The following VIT variants were observed in gnomAD, a reference collection of about 807,000 sequenced individuals.
VIT encodes vitrin.
In VIT, 99 loss-of-function variants were observed where a neutral mutation model predicts 78.0. The observed-to-expected ratio is 1.27, with a 90% CI of 1.08 to 1.50. The LOEUF is 1.50. Ranked by LOEUF, VIT falls within the 40% of genes most tolerant of loss-of-function variation. VIT has a pLI of 0.00. For synonymous variants in VIT, 374 were observed against 334.3 expected (o/e 1.12, Z -1.29); for missense variants, 1,126 against 875.3 (o/e 1.29, Z -3.61).
chr2:36,698,982 C>G (rs1484502802), intron 1 of VIT, among the ~76,000 whole-genome samples: 1 of 124,896 alleles, frequency 8.0e-6, no homozygotes, highest in African/African-American at 3.0e-5. Context: ...GAAATGTAAT[C>G]TTTTATTCCC....
intron 1 of VIT, among the ~76,000 whole-genome samples, chr2:36,712,287 C>G (rs1191858814): frequency 6.6e-6 from 1 of 152,146 alleles, no homozygotes; most frequent in Non-Finnish European, 1.5e-5. Flanking sequence ...TGGTCAGGTT[C>G]CATTATTGAT....
At chr2:36,735,584 G>C (rs2372712) in intron 3 of VIT, among the ~76,000 whole-genome samples, 7,743 of 152,288 alleles carry the variant, frequency 0.051, 480 homozygotes, top group African/African-American at 0.14. Flanking sequence ...CTGTTTCCTG[G>C]ATGATGGGAT....
chr2:36,719,206 G>C (rs182743976), intron 2 of VIT, among the ~76,000 whole-genome samples: 102 of 152,260 alleles, frequency 6.7e-4, no homozygotes, highest in African/African-American at 2.4e-3. Context: ...ATAAAGGCCA[G>C]GTATGACAGG....
chr2:36,813,826 C>T (rs1261444004), intron 15 of VIT, among the ~76,000 whole-genome samples: 3 of 152,146 alleles, frequency 2.0e-5, no homozygotes, highest in Non-Finnish European at 4.4e-5. Context: ...TTTCACTTGT[C>T]CCAAAATATC....
At position 36,775,029 on chromosome 2, in the gene VIT, C is replaced by T. The variant is rs1460254162; in HGVS notation, c.764C>T (p.Ala255Val). ...PGIQRQDPSG[A>V]AFQKPVGADV... ...ATCCAAAGGCAAGATCCTTCAGGAG[C>T]TGCCTTCCAGAAACCTGTTGGAGCG... Residue 255 changes from alanine to valine, a missense_variant, in exon 9 of 16, where the codon GCT (alanine) becomes GTT (valine). Coordinates refer to ENST00000379242, the MANE Select transcript of VIT (RefSeq NM_053276.4). The T allele has an allele frequency of 6.2e-7, 1 of 1,614,006 alleles. No homozygotes were observed. Among genetic ancestry groups the T allele is most frequent in the East Asian group, 2.2e-5 (1 of 44,888 alleles).
intron 1 of VIT, 81 bp from the exon 2 acceptor site, chr2:36,716,272 A>T: frequency 8.9e-7 from 1 of 1,126,720 alleles, no homozygotes; most frequent in Non-Finnish European, 1.3e-6. Context: ...AAAATGATGC[A>T]GTCTATCCCC....
chr2:36,797,613 G>A (rs958166944), intron 12 of VIT, among the ~76,000 whole-genome samples: 3 of 152,122 alleles, frequency 2.0e-5, no homozygotes, highest in Non-Finnish European at 4.4e-5. Flanking sequence ...CCTTCCAGAG[G>A]AAGCTGTATG....
chr2:36,749,636 G>C (rs958706429), intron 4 of VIT, among the ~76,000 whole-genome samples: 1 of 152,116 alleles, frequency 6.6e-6, no homozygotes, highest in African/African-American at 2.4e-5. Context: ...CTATTAAAAA[G>C]TATCATAGTG....
rs1244332492 is a variant in VIT, at chr2:36,805,352, TC to T, written c.1163-85del. Reference sequence around the variant, plus strand: ...ACTAGGGAGGGAATGAGTGTATTTTTCTGGACCTCTTTGTGCTGCTGTGATC... The same window carrying T: ...ACTAGGGAGGGAATGAGTGTATTTTTTGGACCTCTTTGTGCTGCTGTGATC... On this transcript the variant is annotated intron_variant, in intron 13 of 15. Transcript: ENST00000379242. 5.4e-5 allele frequency: 76 copies of T among 1,404,322 alleles called. No individual in the cohort carries two copies. The East Asian group carries it at 1.8e-3, about 33-fold the overall frequency. The allele number at this position is 1,404,322 out of a possible 1,614,324, so 87.0% of individuals were successfully genotyped here. A position where few individuals can be genotyped will look rare whatever the true frequency, so the allele number is the denominator to read the frequency against.
intron 5 of VIT, among the ~76,000 whole-genome samples, chr2:36,757,731 G>C (rs1352834637): frequency 6.6e-6 from 1 of 152,192 alleles, no homozygotes; most frequent in Non-Finnish European, 1.5e-5. Context: ...CATCTCTATG[G>C]AGATACATAG....
intron 15 of VIT, among the ~76,000 whole-genome samples, chr2:36,810,029 C>T (rs574676660): frequency 8.4e-5 from 12 of 142,882 alleles, no homozygotes; most frequent in South Asian, 2.3e-4. Context: ...CAATGGCCCA[C>T]GCCTGTGATC....
At chr2:36,781,461 A>G (rs914029906) in intron 9 of VIT, among the ~76,000 whole-genome samples, 1 of 152,206 alleles carries the variant, frequency 6.6e-6, no homozygotes, top group African/African-American at 2.4e-5. Flanking sequence ...GTTCCTTTTG[A>G]ATCCAAGGAT....
intron 12 of VIT, among the ~76,000 whole-genome samples, chr2:36,789,261 T>G (rs1665319140): frequency 6.6e-6 from 1 of 152,134 alleles, no homozygotes; most frequent in Admixed American, 6.5e-5. Flanking sequence ...AACCTCTCCT[T>G]GTAAGTGCTG....
At chr2:36,698,397 T>A (rs1454408566) in intron 1 of VIT, among the ~76,000 whole-genome samples, 2 of 152,206 alleles carry the variant, frequency 1.3e-5, no homozygotes, top group African/African-American at 4.8e-5. Context: ...CAGCTATGAT[T>A]CCTATAAGAC....
intron 15 of VIT, among the ~76,000 whole-genome samples, chr2:36,812,309 G>A (rs897798427): frequency 1.3e-5 from 2 of 152,164 alleles, no homozygotes; most frequent in African/African-American, 4.8e-5. Context: ...CACTGTGGGG[G>A]ACTCGGGGGG....
At chr2:36,697,316 T>A (rs946891682) in intron 1 of VIT, among the ~76,000 whole-genome samples, 5 of 152,264 alleles carry the variant, frequency 3.3e-5, no homozygotes, top group Non-Finnish European at 7.3e-5. Flanking sequence ...CTTGCTTTTT[T>A]AAAAACTTTG....
In VIT at chr2:36,776,442, G is replaced by GTTT. The variant is rs35789301; in HGVS notation, c.802+1381_802+1383dup. On this transcript the variant is annotated intron_variant, in intron 9 of 15. Coordinates refer to ENST00000379242, the MANE Select transcript of VIT (RefSeq NM_053276.4). ...ACTGAAGCCTTGGTTTTAGAAAACA[G>GTTT]TTTTTTTTCAGTAAAAATTAACGCT... Among the ~76,000 whole-genome samples, 3 of 151,778 alleles carry GTTT rather than the reference G, an allele frequency of 2.0e-5. No homozygotes were observed. The East Asian group carries it at 5.9e-4, about 30-fold the overall frequency.
chr2:36,711,484 T>G (rs1422668148), intron 1 of VIT, among the ~76,000 whole-genome samples: 1 of 152,206 alleles, frequency 6.6e-6, no homozygotes, highest in African/African-American at 2.4e-5. Flanking sequence ...CAGGCTTGAC[T>G]TTGGGTATGT....
chr2:36,715,376 A>G (rs921942703), intron 1 of VIT, among the ~76,000 whole-genome samples: 1 of 152,108 alleles, frequency 6.6e-6, no homozygotes, highest in Non-Finnish European at 1.5e-5. Context: ...GTCTCTACTA[A>G]AAATACAAAA....
Sources: allele counts gnomAD v4.1 joint callset (sites outside exome capture counted in the v4.1 genomes callset), GRCh38; gene constraint gnomAD v4.1.1; transcripts MANE v1.5; gene names NCBI Gene and HGNC (gene_info 2026-07-23, HGNC 2026-07-21).